The following PTPRD variants were observed in gnomAD, a reference collection of about 807,000 sequenced individuals.
The protein encoded by PTPRD is protein tyrosine phosphatase receptor type D, also known as receptor-type tyrosine-protein phosphatase delta.
PTPRD carries 34 observed loss-of-function variants against 214.5 expected under a neutral mutation model. That is an observed-to-expected ratio of 0.16 (90% CI 0.12 to 0.21). The LOEUF (loss-of-function observed/expected upper bound fraction) is 0.21. Ranked by LOEUF, PTPRD falls within the 10% of genes least tolerant of loss-of-function variation. The probability of loss-of-function intolerance (pLI) is 1.00; values close to 1 mark genes in which losing one functional copy is unlikely to be tolerated. For synonymous variants in PTPRD, 1,128 were observed against 845.7 expected (o/e 1.33, Z -5.79); for missense variants, 2,545 against 2,398.7 (o/e 1.06, Z -1.27).
chr9:8,788,989 AT>A (rs1330186413), intron 11 of PTPRD, among the ~76,000 whole-genome samples: 2 of 152,208 alleles, frequency 1.3e-5, no homozygotes, highest in Admixed American at 1.3e-4. Flanking sequence ...ATATATATGC[AT>A]CACAGTTCAC....
At chr9:9,410,456 G>A (rs2075034074) in intron 8 of PTPRD, among the ~76,000 whole-genome samples, 1 of 152,008 alleles carries the variant, frequency 6.6e-6, no homozygotes, top group Non-Finnish European at 1.5e-5. Context: ...TCCTTTCCAT[G>A]TCTCCCTTTC....
chr9:9,547,950 C>A (rs904891344), intron 8 of PTPRD, among the ~76,000 whole-genome samples: 3 of 151,896 alleles, frequency 2.0e-5, no homozygotes, highest in African/African-American at 7.3e-5. Flanking sequence ...GGAATTTTTT[C>A]TGACTTTTCT....
At chr9:10,292,160 AAGAC>A in intron 3 of PTPRD, among the ~76,000 whole-genome samples, 1 of 152,158 alleles carries the variant, frequency 6.6e-6, no homozygotes, top group Non-Finnish European at 1.5e-5. Context: ...ATCCTCATAA[AAGAC>A]AGCACATTTT....
At chr9:10,120,043 A>G (rs1443245832) in intron 3 of PTPRD, among the ~76,000 whole-genome samples, 1 of 152,068 alleles carries the variant, frequency 6.6e-6, no homozygotes, top group African/African-American at 2.4e-5. Context: ...TGTAGCATGA[A>G]AGGTAATGGC....
chr9:8,422,834 A>C (rs752254179), intron 35 of PTPRD, among the ~76,000 whole-genome samples: 2 of 152,226 alleles, frequency 1.3e-5, no homozygotes, highest in Non-Finnish European at 2.9e-5. Flanking sequence ...ACAGATGACA[A>C]GGAGGTCAAT....
intron 11 of PTPRD, among the ~76,000 whole-genome samples, chr9:8,883,595 G>A (rs2098463830): frequency 6.6e-6 from 1 of 152,232 alleles, no homozygotes; most frequent in African/African-American, 2.4e-5. Context: ...ACTCTGACAT[G>A]TTGATTATTC....
chr9:9,414,038 G>A (rs942500239), intron 8 of PTPRD, among the ~76,000 whole-genome samples: 3 of 152,166 alleles, frequency 2.0e-5, no homozygotes, highest in Admixed American at 6.5e-5. Flanking sequence ...GTATTGCATA[G>A]CTCTATTGAG....
At chr9:10,494,847 T>G (rs1187476846) in intron 2 of PTPRD, among the ~76,000 whole-genome samples, 2 of 151,484 alleles carry the variant, frequency 1.3e-5, no homozygotes, top group African/African-American at 4.8e-5. Context: ...TCCTAAAAAT[T>G]CTAGTATTGG....
At chr9:9,710,536 G>A (rs1024110725) in intron 7 of PTPRD, among the ~76,000 whole-genome samples, 24 of 151,742 alleles carry the variant, frequency 1.6e-4, no homozygotes, top group African/African-American at 5.8e-4. Context: ...ACTCATGGTG[G>A]ATTTGAAGGA....
chr9:8,835,860 C>G (rs112025375), intron 11 of PTPRD, among the ~76,000 whole-genome samples: 20 of 152,228 alleles, frequency 1.3e-4, no homozygotes, highest in African/African-American at 4.6e-4. Context: ...ATAATACTCA[C>G]CATTATGGAT....
At chr9:9,950,490 C>T (rs1446697027) in intron 4 of PTPRD, among the ~76,000 whole-genome samples, 1 of 34,612 alleles carries the variant, frequency 2.9e-5, no homozygotes, top group Non-Finnish European at 4.1e-5. Context: ...TTTGGGAGGC[C>T]GAGGCGGGCG....
chr9:9,507,592 T>C (rs1285621096), intron 8 of PTPRD, among the ~76,000 whole-genome samples: 2 of 151,492 alleles, frequency 1.3e-5, no homozygotes, highest in Non-Finnish European at 3.0e-5. Context: ...AAATTATGAA[T>C]GTTTTATATT....
At chr9:9,887,249 C>G (rs975120577) in intron 5 of PTPRD, among the ~76,000 whole-genome samples, 1 of 152,052 alleles carries the variant, frequency 6.6e-6, no homozygotes, top group Non-Finnish European at 1.5e-5. Flanking sequence ...TTATTTACCA[C>G]CAATAAACCA....
At chr9:9,723,694 C>T (rs2098015454) in intron 7 of PTPRD, among the ~76,000 whole-genome samples, 1 of 151,976 alleles carries the variant, frequency 6.6e-6, no homozygotes, top group African/African-American at 2.4e-5. Context: ...TTGGTTTTCC[C>T]CATTAATTGA....
intron 11 of PTPRD, among the ~76,000 whole-genome samples, chr9:8,908,037 A>C (rs2154258352): frequency 6.6e-6 from 1 of 152,200 alleles, no homozygotes; most frequent in South Asian, 2.1e-4. Flanking sequence ...TAAAGAGAAA[A>C]TCTTGAAAGC....
chr9:8,796,233 C>G lies in PTPRD; in HGVS notation c.-103-62287G>C, dbSNP rs149832927. The stretch of plus-strand genomic sequence containing the variant: ...GATGAACTGCCCCAATTCTTAATTG[C>G]CAAGTTTTAAGTAAATTTTAATTAT... On this transcript the variant is annotated intron_variant, in intron 11 of 45. Transcript: ENST00000381196. Among the ~76,000 whole-genome samples, 7 of 152,168 alleles carry G rather than the reference C, an allele frequency of 4.6e-5. No homozygotes were observed. The East Asian group carries it at 1.4e-3, about 29-fold the overall frequency.
chr9:10,203,521 G>C (rs1261456042), intron 3 of PTPRD, among the ~76,000 whole-genome samples: 1 of 152,030 alleles, frequency 6.6e-6, no homozygotes, highest in Non-Finnish European at 1.5e-5. Context: ...TATTTTAAAA[G>C]ATTTATCAGT....
At chr9:10,248,355 G>C (rs1193633741) in intron 3 of PTPRD, among the ~76,000 whole-genome samples, 1 of 151,926 alleles carries the variant, frequency 6.6e-6, no homozygotes, top group African/African-American at 2.4e-5. Context: ...CAACCTCTAA[G>C]TTAGGAAGTT....
intron 2 of PTPRD, among the ~76,000 whole-genome samples, chr9:10,551,632 G>C (rs148832830): frequency 5.5e-4 from 83 of 152,208 alleles, no homozygotes; most frequent in African/African-American, 1.9e-3. Context: ...CCAGTACCTT[G>C]ATTTTGAAAT....
Sources: gnomAD v4.1 joint callset for allele counts (sites outside exome capture counted in the v4.1 genomes callset) on GRCh38, gnomAD v4.1.1 for gene constraint, MANE v1.5 for transcripts, NCBI Gene and HGNC (gene_info 2026-07-23, HGNC 2026-07-21) for gene names.